MAP6: variants seen among roughly 807,000 people sequenced by gnomAD.
The protein encoded by MAP6 is microtubule-associated protein 6.
A neutral mutation model predicts 42.4 loss-of-function variants in MAP6; 26 were observed. The ratio of observed to expected loss-of-function variants is 0.61; its 90% CI spans 0.45 to 0.85. The LOEUF (loss-of-function observed/expected upper bound fraction) is 0.85, where lower values mean the gene tolerates loss of function less well. Ranked by LOEUF, MAP6 falls within the 40% of genes least tolerant of loss-of-function variation. The pLI is 0.00. For synonymous variants in MAP6, 418 were observed against 443.8 expected (o/e 0.94, Z 0.73); for missense variants, 966 against 1,099.0 (o/e 0.88, Z 1.71).
chr11:75,663,636 A>G (rs1943895181), intron 1 of MAP6, among the ~76,000 whole-genome samples: 1 of 152,218 alleles, frequency 6.6e-6, no homozygotes, highest in Admixed American at 6.5e-5. Context: ...CAGAAAGTAA[A>G]AAGGGAATAG....
At position 75,634,704 on chromosome 11, in the gene MAP6, G is replaced by A. The variant is rs538104575; in HGVS notation, c.906-26382C>T. Among the ~76,000 whole-genome samples, 28 of 152,228 alleles carry A rather than the reference G, an allele frequency of 1.8e-4. No individual in the cohort carries two copies. In the South Asian group the frequency reaches 5.2e-3, roughly 28 times the overall value. On this transcript the variant is annotated intron_variant, in intron 1 of 3. Transcript: ENST00000304771. ...AGAGTACCTTCGCTTGCTTGGAAACGGGCTCTTCAGATGAGAAAGCCTTGG... is the reference window on the plus strand; with the variant it reads ...AGAGTACCTTCGCTTGCTTGGAAACAGGCTCTTCAGATGAGAAAGCCTTGG...
At chr11:75,612,266 A>T (rs1327977383) in intron 1 of MAP6, among the ~76,000 whole-genome samples, 1 of 152,144 alleles carries the variant, frequency 6.6e-6, no homozygotes, top group Non-Finnish European at 1.5e-5. Flanking sequence ...TCACTCATCC[A>T]TTCATTTGGC....
Position 75,615,967 on chromosome 11 carries a change from C to T in MAP6, c.906-7645G>A, listed in dbSNP as rs1035593666. ...CAGGAGTGCGCGGGGCGGCAGGGGG[C>T]GGGGGGTGGGGTTTGGCCCTGGAAA... On this transcript the variant is annotated intron_variant, in intron 1 of 3. Coordinates refer to ENST00000304771, the MANE Select transcript of MAP6 (RefSeq NM_033063.2). Among the ~76,000 whole-genome samples, 24 of 10,748 alleles carry T rather than the reference C, an allele frequency of 2.2e-3. No homozygotes were observed. The South Asian group carries it at 0.023, about 10-fold the overall frequency. The allele number at this position is 10,748 out of a possible 152,430, so 7.1% of individuals were successfully genotyped here. A position where few individuals can be genotyped will look rare whatever the true frequency, so the allele number is the denominator to read the frequency against.
chr11:75,636,610 C>T (rs2135645055), intron 1 of MAP6, among the ~76,000 whole-genome samples: 1 of 152,252 alleles, frequency 6.6e-6, no homozygotes, highest in South Asian at 2.1e-4. Flanking sequence ...CAAACCAACC[C>T]AATAACCATT....
intron 1 of MAP6, among the ~76,000 whole-genome samples, chr11:75,623,218 G>A (rs1051770689): frequency 6.6e-6 from 1 of 152,090 alleles, no homozygotes; most frequent in East Asian, 1.9e-4. Context: ...AATGAAAGAA[G>A]GCTAACAGAA....
intron 3 of MAP6, among the ~76,000 whole-genome samples, chr11:75,600,154 C>T (rs762716740): frequency 6.6e-6 from 1 of 152,066 alleles, no homozygotes; most frequent in Non-Finnish European, 1.5e-5. Flanking sequence ...AGGGGAAGGG[C>T]GTGAAGTGAC....
chr11:75,666,638 T>C (rs560887030), intron 1 of MAP6, among the ~76,000 whole-genome samples: 203 of 152,370 alleles, frequency 1.3e-3, no homozygotes, highest in African/African-American at 4.4e-3. Context: ...GCACGAGCTG[T>C]TCTCCTGATT....
Position 75,587,077 on chromosome 11 carries a change from G to A in MAP6, c.2424C>T (p.Tyr808=), listed in dbSNP as rs1942364924. ...VMIPTAPHTE[Y]IESSP is the part of the protein sequence containing the mutation. The stretch of plus-strand genomic sequence containing the variant: ...GTGAGTGTCAAGGGGAGCTCTCAAT[G>A]TATTCCGTATGGGGGGCAGTTGGGA... The change falls in exon 4 of 4, where the codon TAC becomes TAT. Residue 808 remains tyrosine (Y), a synonymous_variant. Coordinates refer to ENST00000304771, the MANE Select transcript of MAP6 (RefSeq NM_033063.2). 1 of 1,593,904 alleles carries A rather than the reference G, an allele frequency of 6.3e-7. No homozygotes were observed. The highest frequency in any genetic ancestry group is 1.3e-5 in the African/African-American group (1 of 74,182).
intron 1 of MAP6, among the ~76,000 whole-genome samples, chr11:75,661,669 A>C (rs59533422): frequency 2.0e-3 from 312 of 152,222 alleles, no homozygotes; most frequent in African/African-American, 7.4e-3. Flanking sequence ...CTAGCAAACT[A>C]AGATAAATAG....
chr11:75,650,466 C>A (rs1404016153), intron 1 of MAP6, among the ~76,000 whole-genome samples: 3 of 152,162 alleles, frequency 2.0e-5, no homozygotes, highest in Admixed American at 6.5e-5. Flanking sequence ...ACGCTTGACA[C>A]CTTATCTGTC....
rs1266735247 is a variant in MAP6 at position 75,667,954 on chromosome 11, G to A, written c.416C>T (p.Pro139Leu). Residue 139 changes from proline (P) to leucine (L), a missense_variant, in exon 1 of 4, where the codon CCG becomes CTG. Pro to Leu is a moderately conservative substitution (Grantham distance 98, BLOSUM62 -3). This residue lies in a region of MAP6 where 943 missense variants were observed against 1,049.9 expected (regional missense o/e 0.90). Coordinates refer to ENST00000304771, the MANE Select transcript of MAP6 (RefSeq NM_033063.2). This position sits in a 1 kb window ranked among gnomAD's most constrained non-coding sequence, Gnocchi z 5.6. ...GTCGGAGGGCTGGTATTCGCTGCGCGGCCGGCAGCTGGGCTCGGGCCGCTG... is the reference window on the plus strand; with the variant it reads ...GTCGGAGGGCTGGTATTCGCTGCGCAGCCGGCAGCTGGGCTCGGGCCGCTG... ...KVQRPEPSCR[P>L]RSEYQPSDAP... The A allele has an allele frequency of 7.5e-6, 10 of 1,338,238 alleles. No homozygotes were observed. Among genetic ancestry groups the A allele is most frequent in the Non-Finnish European group, 9.6e-6 (10 of 1,038,528 alleles). The allele number at this position is 1,338,238 out of a possible 1,614,324, so 82.9% of individuals were successfully genotyped here.
intron 1 of MAP6, among the ~76,000 whole-genome samples, chr11:75,662,919 C>T (rs770666577): frequency 5.3e-5 from 8 of 151,532 alleles, no homozygotes; most frequent in Non-Finnish European, 1.0e-4. Flanking sequence ...TGCCCTTCTC[C>T]GTTTGAACAT....
chr11:75,668,034 G>T lies in MAP6; in HGVS notation c.336C>A (p.Ser112=). The T allele has an allele frequency of 8.1e-7, 1 of 1,230,600 alleles. No individual in the cohort carries two copies. The highest frequency in any genetic ancestry group is 1.0e-6 in the Non-Finnish European group (1 of 987,096). The allele number at this position is 1,230,600 out of a possible 1,614,324, so 76.2% of individuals were successfully genotyped here. Reference sequence around the variant, plus strand: ...TCACCGAGTCCGCGGGGCCGGAGGTGGAGCCGGAGCCCAGGCCCGGGCCCG... The same window carrying T: ...TCACCGAGTCCGCGGGGCCGGAGGTTGAGCCGGAGCCCAGGCCCGGGCCCG... The part of the protein sequence containing the change: ...SGPGPGLGSG[S]TSGPADSVMR... The change falls in exon 1 of 4, where the codon TCC becomes TCA. Residue 112 remains serine (S), a synonymous_variant. Transcript: ENST00000304771.
chr11:75,587,132 G>C lies in MAP6; in HGVS notation c.2369C>G (p.Pro790Arg). ...KTQGPRDPQL[P>R]TVSPLPRVMI... is the part of the protein sequence containing the mutation. ...GACTCGGGGTAGAGGTGAGACAGTA[G>C]GTAGCTGAGGGTCCCTGGGACCTTG... is the stretch of plus-strand genomic sequence containing the variant. Residue 790 changes from proline (P) to arginine (R), a missense_variant, in exon 4 of 4, where the codon CCT (proline) becomes CGT (arginine). Coordinates refer to ENST00000304771, the MANE Select transcript of MAP6 (RefSeq NM_033063.2). The C allele has an allele frequency of 6.2e-7, 1 of 1,613,766 alleles. No individual in the cohort carries two copies. The highest frequency in any genetic ancestry group is 8.5e-7 in the Non-Finnish European group (1 of 1,179,702).
intron 1 of MAP6, among the ~76,000 whole-genome samples, chr11:75,666,331 G>A (rs1943945303): frequency 6.6e-6 from 1 of 152,144 alleles, no homozygotes; most frequent in Non-Finnish European, 1.5e-5. Context: ...ATGGATGAAG[G>A]GCAAGAAAGC....
At chr11:75,658,085 A>T (rs1943781571) in intron 1 of MAP6, among the ~76,000 whole-genome samples, 1 of 152,178 alleles carries the variant, frequency 6.6e-6, no homozygotes, top group African/African-American at 2.4e-5. Flanking sequence ...CTGTTGATGG[A>T]CATTTGGGCT....
At chr11:75,604,693 A>G (rs1942725702) in intron 3 of MAP6, 1 of 985,238 alleles carries the variant, frequency 1.0e-6, no homozygotes, top group Non-Finnish European at 1.2e-6. Context: ...TTGGCCACAC[A>G]CACACACGAC....
At chr11:75,613,660 AC>A (rs1289472047) in intron 1 of MAP6, among the ~76,000 whole-genome samples, 1 of 152,200 alleles carries the variant, frequency 6.6e-6, no homozygotes, top group Admixed American at 6.5e-5. Flanking sequence ...CCTATCTCAT[AC>A]ACAATCCTGC....
At chr11:75,639,107 GAC>G (rs1419781628) in intron 1 of MAP6, among the ~76,000 whole-genome samples, 1 of 152,142 alleles carries the variant, frequency 6.6e-6, no homozygotes, top group Non-Finnish European at 1.5e-5. Flanking sequence ...TGTACACATG[GAC>G]ACAGAGAGTG....
Sources: allele counts gnomAD v4.1 joint callset (sites outside exome capture counted in the v4.1 genomes callset), GRCh38; gene constraint gnomAD v4.1.1; regional missense constraint gnomAD v4.1.1; non-coding constraint Gnocchi (gnomAD v3.1); transcripts MANE v1.5; gene names NCBI Gene and HGNC (gene_info 2026-07-23, HGNC 2026-07-21).